Variants in AGBL4 observed in about 807,000 individuals in gnomAD.
The protein encoded by AGBL4 is AGBL carboxypeptidase 4.
In AGBL4, 58 loss-of-function variants were observed where a neutral mutation model predicts 66.4. That is an observed-to-expected ratio of 0.87 (90% CI 0.71 to 1.09). The LOEUF is 1.09. Among genes scored for constraint, AGBL4 ranks in the 50% least tolerant of loss-of-function variants. The pLI, the probability that AGBL4 is intolerant of heterozygous loss-of-function variation, is 0.00. For missense variants in AGBL4, 579 were observed against 631.0 expected (o/e 0.92, Z 0.88); for synonymous variants, 234 against 222.9 (o/e 1.05, Z -0.44).
In AGBL4 at chr1:49,096,695, G is replaced by A. The variant is rs985683014; in HGVS notation, c.378-50895C>T. On this transcript the variant is annotated intron_variant, in intron 4 of 13. Coordinates refer to ENST00000371839, the MANE Select transcript of AGBL4 (RefSeq NM_032785.4). ...CACACACTGGGGCCTGTTATGGGGT[G>A]GGGGGAGGGGGGAGGGATAGCATTG... 6.4e-5 allele frequency among the ~76,000 whole-genome samples: 7 copies of A among 108,608 alleles called. No homozygotes were observed. The East Asian group carries it at 1.4e-3, about 21-fold the overall frequency. 71.3% of individuals were successfully genotyped at this position (108,608 alleles called of 152,430 possible). A position where few individuals can be genotyped will look rare whatever the true frequency, so the allele number is the denominator to read the frequency against.
At chr1:49,472,735 T>C (rs1349182641) in intron 3 of AGBL4, among the ~76,000 whole-genome samples, 2 of 152,156 alleles carry the variant, frequency 1.3e-5, no homozygotes. Context: ...TGTGTGATGC[T>C]GAGTATTGGG....
chr1:48,610,297 T>C (rs1645217478), intron 9 of AGBL4, among the ~76,000 whole-genome samples: 1 of 152,104 alleles, frequency 6.6e-6, no homozygotes, highest in Non-Finnish European at 1.5e-5. Flanking sequence ...GCCTAACACA[T>C]GACCGGGGCT....
intron 1 of AGBL4, among the ~76,000 whole-genome samples, chr1:49,858,068 A>T (rs547262623): frequency 1.3e-5 from 2 of 152,310 alleles, no homozygotes; most frequent in Admixed American, 1.3e-4. Flanking sequence ...AAATGACCAG[A>T]TATTTCTCAA....
chr1:49,214,642 T>A (rs1198780202), intron 4 of AGBL4, among the ~76,000 whole-genome samples: 6 of 152,132 alleles, frequency 3.9e-5, no homozygotes, highest in Admixed American at 3.9e-4. Flanking sequence ...TCCATGACCA[T>A]GCAAATTGCT....
intron 6 of AGBL4, among the ~76,000 whole-genome samples, chr1:48,737,541 T>C (rs1445434315): frequency 6.6e-6 from 1 of 152,148 alleles, no homozygotes; most frequent in Non-Finnish European, 1.5e-5. Flanking sequence ...CAAAGTTCCT[T>C]CTGGCTCAAA....
At chr1:49,389,509 T>C (rs1355832966) in intron 3 of AGBL4, among the ~76,000 whole-genome samples, 1 of 152,124 alleles carries the variant, frequency 6.6e-6, no homozygotes, top group Non-Finnish European at 1.5e-5. Flanking sequence ...GTAGAGCTAG[T>C]ATTAAAACGT....
downstream of AGBL4, among the ~76,000 whole-genome samples, chr1:48,531,025 T>C (rs1643901980): frequency 6.6e-6 from 1 of 152,122 alleles, no homozygotes; most frequent in Non-Finnish European, 1.5e-5. Flanking sequence ...CTTGAGGTCA[T>C]AGGTATAACC....
intron 4 of AGBL4, among the ~76,000 whole-genome samples, chr1:49,067,710 A>T: frequency 6.6e-6 from 1 of 151,944 alleles, no homozygotes; most frequent in African/African-American, 2.4e-5. Flanking sequence ...TTCTCTCCAC[A>T]CTAGAGCATA....
chr1:49,654,911 A>G (rs1054083906), intron 3 of AGBL4, among the ~76,000 whole-genome samples: 5 of 152,186 alleles, frequency 3.3e-5, no homozygotes, highest in African/African-American at 1.2e-4. Context: ...TGGAGCATTT[A>G]GCCCAGTTAC....
Position 50,023,790 on chromosome 1 carries a change from C to T in AGBL4, c.7G>A (p.Glu3Lys), listed in dbSNP as rs1448743270. ...GCCTCAGGCGCCGACTGGCTCCCCT[C>T]CGCCATTTTTGTTGTCCCTCAGTCT... The part of the protein sequence containing the change: MA[E>K]GSQSAPEAGN... Residue 3 changes from glutamate to lysine, a missense_variant, in exon 1 of 14, where the codon GAG (glutamate) becomes AAG (lysine). Coordinates refer to ENST00000371839, the MANE Select transcript of AGBL4 (RefSeq NM_032785.4). The T allele has an allele frequency of 6.5e-7, 1 of 1,549,536 alleles. No individual in the cohort carries two copies.
At chr1:48,539,813 TAATAAC>T in intron 11 of AGBL4, 75 bp from the exon 12 acceptor site, 1 of 967,716 alleles carries the variant, frequency 1.0e-6, no homozygotes, top group Non-Finnish European at 1.4e-6. Context: ...CTAATAAAAA[TAATAAC>T]AGTAATAAAA....
At chr1:48,776,533 CCGGG>C in intron 6 of AGBL4, 3 of 1,157,134 alleles carry the variant, frequency 2.6e-6, no homozygotes, top group African/African-American at 1.6e-5. Context: ...TCCCCTCCGC[CCGGG>C]CCCCCGGCCC....
chr1:49,053,349 C>T (rs974919944), intron 4 of AGBL4, among the ~76,000 whole-genome samples: 1 of 152,144 alleles, frequency 6.6e-6, no homozygotes, highest in Non-Finnish European at 1.5e-5. Flanking sequence ...AATGTGCTGT[C>T]TGATAAAACT....
chr1:48,617,581 G>C (rs765617050), intron 9 of AGBL4, among the ~76,000 whole-genome samples: 13 of 152,142 alleles, frequency 8.5e-5, no homozygotes, highest in Non-Finnish European at 1.8e-4. Flanking sequence ...CTTCCTACGT[G>C]CTTCTGTTCA....
intron 1 of AGBL4, among the ~76,000 whole-genome samples, chr1:49,864,608 G>T (rs746832915): frequency 1.3e-5 from 2 of 152,168 alleles, no homozygotes; most frequent in African/African-American, 2.4e-5. Flanking sequence ...GGGATGCAGG[G>T]AGTGGTTGTG....
chr1:48,668,203 C>T (rs1258921557), intron 6 of AGBL4, among the ~76,000 whole-genome samples: 5 of 152,286 alleles, frequency 3.3e-5, no homozygotes, highest in Non-Finnish European at 5.9e-5. Context: ...CAAGACATCG[C>T]TGTAGCAACA....
chr1:48,708,014 G>A (rs1053204731), intron 6 of AGBL4, among the ~76,000 whole-genome samples: 7 of 152,180 alleles, frequency 4.6e-5, no homozygotes, highest in African/African-American at 7.2e-5. Flanking sequence ...ATTTAACCCC[G>A]TGATGTGGGC....
intron 1 of AGBL4, chr1:49,995,767 C>T (rs1325546317): frequency 6.4e-6 from 1 of 156,148 alleles, no homozygotes; most frequent in Non-Finnish European, 1.4e-5. Flanking sequence ...AAAAATACAA[C>T]CAAGGACCCT....
chr1:49,076,212 C>T (rs1407581715), intron 4 of AGBL4, among the ~76,000 whole-genome samples: 2 of 152,106 alleles, frequency 1.3e-5, no homozygotes, highest in African/African-American at 4.8e-5. Context: ...GGGATATGTT[C>T]CAAGATACCT....
Sources: gnomAD v4.1 joint callset for allele counts (sites outside exome capture counted in the v4.1 genomes callset) on GRCh38, gnomAD v4.1.1 for gene constraint, MANE v1.5 for transcripts, NCBI Gene and HGNC (gene_info 2026-07-23, HGNC 2026-07-21) for gene names.